Variants in MAP1LC3B2 observed in about 807,000 individuals in gnomAD.
MAP1LC3B2 encodes microtubule-associated protein 1 light chain 3 beta 2.
For missense variants in MAP1LC3B2, 155 were observed against 154.6 expected (o/e 1.00, Z -0.01); for synonymous variants, 62 against 57.8 (o/e 1.07, Z -0.33).
At chr12:116,562,367 C>A (rs1270497127) in intron 1 of MAP1LC3B2, among the ~76,000 whole-genome samples, 2 of 152,194 alleles carry the variant, frequency 1.3e-5, no homozygotes, top group Non-Finnish European at 2.9e-5. Flanking sequence ...CACTTGTAAA[C>A]AAAGGCATCC....
intron 1 of MAP1LC3B2, among the ~76,000 whole-genome samples, chr12:116,573,799 C>T (rs554130922): frequency 2.0e-5 from 3 of 152,278 alleles, no homozygotes; most frequent in East Asian, 1.9e-4. Context: ...TGAGCCACTG[C>T]GCCCAGCTGA....
chr12:116,572,655 C>A (rs565600185), intron 1 of MAP1LC3B2, among the ~76,000 whole-genome samples: 6 of 152,252 alleles, frequency 3.9e-5, no homozygotes, highest in Non-Finnish European at 8.8e-5. Flanking sequence ...TGAGCCACGG[C>A]GCCCAGCCAA....
chr12:116,567,737 G>T (rs1869427269), intron 1 of MAP1LC3B2, among the ~76,000 whole-genome samples: 1 of 151,616 alleles, frequency 6.6e-6, no homozygotes, highest in Non-Finnish European at 1.5e-5. Context: ...GACAGAGTGA[G>T]ACTCTGTCTA....
In MAP1LC3B2 at chr12:116,566,187, G is replaced by A. The variant is rs570203240; in HGVS notation, c.-102+6754G>A. ...AGAATAAAACTTGCTTGGGGGTGAA[G>A]GGCAAGCTTGAACCTGTGTCCTGGG... On this transcript the variant is annotated intron_variant, in intron 1 of 1. Transcript: ENST00000556529. Among the ~76,000 whole-genome samples, 5 of 152,308 alleles carry A rather than the reference G, an allele frequency of 3.3e-5. No homozygotes were observed. In the South Asian group the frequency reaches 1.0e-3, roughly 32 times the overall value.
Position 116,575,881 on chromosome 12 carries a change from G to C in MAP1LC3B2, c.-62G>C. On this transcript the variant is annotated 5_prime_UTR_variant, in exon 2 of 2. Transcript: ENST00000556529. The stretch of plus-strand genomic sequence containing the variant: ...AGTCGGATTCGCTGCCGCAGCAGCC[G>C]CCACCCCCAGGAGCCGCCGGGACCC... The C allele has an allele frequency of 1.2e-6, 2 of 1,604,398 alleles. No homozygotes were observed. Among genetic ancestry groups the C allele is most frequent in the Admixed American group, 3.4e-5 (2 of 59,332 alleles).
At chr12:116,572,823 A>G (rs1388844605) in intron 1 of MAP1LC3B2, among the ~76,000 whole-genome samples, 1 of 152,236 alleles carries the variant, frequency 6.6e-6, no homozygotes. Flanking sequence ...TTCTCAAACT[A>G]AGTTCCCCAG....
At chr12:116,560,985 T>C (rs969904814) in intron 1 of MAP1LC3B2, among the ~76,000 whole-genome samples, 2 of 151,960 alleles carry the variant, frequency 1.3e-5, no homozygotes, top group African/African-American at 2.4e-5. Context: ...GGCATGGTAG[T>C]GTATGCCTGT....
chr12:116,560,915 A>G (rs1869256874), intron 1 of MAP1LC3B2, among the ~76,000 whole-genome samples: 1 of 152,006 alleles, frequency 6.6e-6, no homozygotes, highest in East Asian at 1.9e-4. Flanking sequence ...CCAGGAGTTC[A>G]AGACCAGCTT....
chr12:116,566,410 G>A (rs901096853), intron 1 of MAP1LC3B2, among the ~76,000 whole-genome samples: 2 of 152,052 alleles, frequency 1.3e-5, no homozygotes, highest in Non-Finnish European at 2.9e-5. Context: ...GGAAGAAGAT[G>A]TTCTCTGCTT....
rs774340612 is a variant in MAP1LC3B2 at position 116,576,038 on chromosome 12, G to T, written c.96G>T (p.Pro32=). Residue 32 remains proline (P), a synonymous_variant, in exon 2 of 2, where the codon CCG becomes CCT. Coordinates refer to ENST00000556529, the MANE Select transcript of MAP1LC3B2 (RefSeq NM_001085481.3). ...LIREQHPTKI[P]VIIERYKGEK... ...GAGAGCAGCATCCAACCAAAATCCC[G>T]GTGATAATAGAACGATACAAGGGTG... is the stretch of plus-strand genomic sequence containing the variant. 1 of 1,614,058 alleles carries T rather than the reference G, an allele frequency of 6.2e-7. No homozygotes were observed. Among genetic ancestry groups the T allele is most frequent in the African/African-American group, 1.3e-5 (1 of 74,904 alleles).
rs1869688230 is a variant in MAP1LC3B2, at chr12:116,576,394, G to A, written c.*74G>A. 9 of 1,546,292 alleles carry A rather than the reference G, an allele frequency of 5.8e-6. No individual in the cohort carries two copies. The highest frequency in any genetic ancestry group is 7.8e-6 in the Non-Finnish European group (9 of 1,148,706). ...GAAAAAAAAAGGGATGTTACCAACT[G>A]AGATCGATCAGTTCATCTAATCACA... On this transcript the variant is annotated 3_prime_UTR_variant, in exon 2 of 2. Transcript: ENST00000556529.
intron 1 of MAP1LC3B2, among the ~76,000 whole-genome samples, chr12:116,567,768 A>T (rs1869429639): frequency 6.6e-6 from 1 of 150,508 alleles, no homozygotes; most frequent in Non-Finnish European, 1.5e-5. Flanking sequence ...ATAAAAAAAT[A>T]TATATATATA....
At chr12:116,563,665 G>A (rs1869322910) in intron 1 of MAP1LC3B2, among the ~76,000 whole-genome samples, 1 of 151,988 alleles carries the variant, frequency 6.6e-6, no homozygotes, top group African/African-American at 2.4e-5. Context: ...TATCAACTTT[G>A]GAACATTTTT....
chr12:116,573,550 C>T (rs763343948), intron 1 of MAP1LC3B2, among the ~76,000 whole-genome samples: 13 of 152,054 alleles, frequency 8.5e-5, no homozygotes, highest in Non-Finnish European at 1.3e-4. Flanking sequence ...GACAGAGTCG[C>T]TCTGTCGCCA....
intron 1 of MAP1LC3B2, among the ~76,000 whole-genome samples, chr12:116,568,642 G>C (rs910755104): frequency 3.9e-5 from 6 of 152,160 alleles, no homozygotes; most frequent in African/African-American, 1.4e-4. Flanking sequence ...CCTTTAGGAG[G>C]TAATTAGGAT....
intron 1 of MAP1LC3B2, among the ~76,000 whole-genome samples, chr12:116,565,842 CA>C (rs1258746091): frequency 6.6e-6 from 1 of 152,138 alleles, no homozygotes; most frequent in Non-Finnish European, 1.5e-5. Flanking sequence ...CCTTGGCAGG[CA>C]AAAACAACAG....
chr12:116,567,642 G>T (rs1189501975), intron 1 of MAP1LC3B2, among the ~76,000 whole-genome samples: 4 of 151,968 alleles, frequency 2.6e-5, no homozygotes, highest in Non-Finnish European at 5.9e-5. Flanking sequence ...CAGCTACTCA[G>T]GAGGTTGAGG....
chr12:116,564,019 A>G (rs1869331652), intron 1 of MAP1LC3B2, among the ~76,000 whole-genome samples: 1 of 152,164 alleles, frequency 6.6e-6, no homozygotes, highest in South Asian at 2.1e-4. Flanking sequence ...AGCTGGGACT[A>G]AAGGTGCATG....
chr12:116,559,934 C>G (rs1354864246), intron 1 of MAP1LC3B2: 1 of 151,844 alleles, frequency 6.6e-6, no homozygotes, highest in Non-Finnish European at 1.5e-5. Flanking sequence ...TCAGAAGAAT[C>G]CCACAGCCGC....
Sources: gnomAD v4.1 joint callset for allele counts (sites outside exome capture counted in the v4.1 genomes callset) on GRCh38, gnomAD v4.1.1 for gene constraint, MANE v1.5 for transcripts, NCBI Gene and HGNC (gene_info 2026-07-23, HGNC 2026-07-21) for gene names.